The following CCDC144A variants were observed in gnomAD, a reference collection of about 807,000 sequenced individuals.
CCDC144A encodes the protein coiled-coil domain containing 144A.
CCDC144A carries 41 observed loss-of-function variants against 143.8 expected under a neutral mutation model. The observed-to-expected ratio is 0.29, with a 90% CI of 0.22 to 0.37. The LOEUF is 0.37. CCDC144A is among the 10% of genes least tolerant of loss of function. The pLI is 1.00. For missense variants in CCDC144A, 637 were observed against 1,488.8 expected (o/e 0.43, Z 9.41); for synonymous variants, 242 against 517.9 (o/e 0.47, Z 7.23).
At chr17:16,751,293 C>A (rs560709452) in intron 12 of CCDC144A, among the ~76,000 whole-genome samples, 1 of 151,702 alleles carries the variant, frequency 6.6e-6, no homozygotes, top group African/African-American at 2.4e-5. Context: ...TTCAGATGGC[C>A]AGGACTCTAC....
At chr17:16,708,277 C>T (rs1912171700) in intron 4 of CCDC144A, among the ~76,000 whole-genome samples, 1 of 152,036 alleles carries the variant, frequency 6.6e-6, no homozygotes, top group African/African-American at 2.4e-5. Context: ...TAAGAATTTG[C>T]TTTTCTTTCT....
At chr17:16,733,426 C>T (rs563998809) in intron 11 of CCDC144A, among the ~76,000 whole-genome samples, 4 of 149,584 alleles carry the variant, frequency 2.7e-5, no homozygotes, top group Non-Finnish European at 5.9e-5. Context: ...TGGCGTGAAC[C>T]CTGGGTGGCG....
At chr17:16,745,714 C>T (rs1387455772) in intron 12 of CCDC144A, 7 of 1,614,084 alleles carry the variant, frequency 4.3e-6, no homozygotes, top group Non-Finnish European at 5.9e-6. Context: ...CACTCTCGCG[C>T]TCGGAAGTGA....
upstream of CCDC144A, among the ~76,000 whole-genome samples, chr17:16,689,334 T>C (rs1910908758): frequency 6.6e-6 from 1 of 152,186 alleles, no homozygotes; most frequent in African/African-American, 2.4e-5. Flanking sequence ...TAGCTGGGAC[T>C]ACAGGCACGC....
intron 12 of CCDC144A, among the ~76,000 whole-genome samples, chr17:16,742,468 A>G (rs1914301249): frequency 6.6e-6 from 1 of 152,140 alleles, no homozygotes; most frequent in Admixed American, 6.5e-5. Flanking sequence ...TGATCTGTTG[A>G]TGAACATTTA....
chr17:16,719,551 A>C (rs1310605631), intron 6 of CCDC144A, among the ~76,000 whole-genome samples: 1 of 152,184 alleles, frequency 6.6e-6, no homozygotes, highest in Admixed American at 6.5e-5. Context: ...CTTAGGTTTG[A>C]GTTCTGGGTC....
At chr17:16,745,943 G>A in intron 12 of CCDC144A, 2 of 1,604,880 alleles carry the variant, frequency 1.2e-6, no homozygotes, top group Admixed American at 1.7e-5. Context: ...GGTCAGGCTC[G>A]TGGTGAGCTC....
rs181479059 is a variant in CCDC144A, at chr17:16,749,583, T to G, written c.3373-11842T>G. The stretch of plus-strand genomic sequence containing the variant: ...ATTCTGTAGTTGTTTGGTGGAGTAT[T>G]CTGTAGATGTCTGTTAGGTCCAATT... On this transcript the variant is annotated intron_variant, in intron 12 of 16. Coordinates refer to ENST00000399273, the MANE Select transcript of CCDC144A (RefSeq NM_001382000.1). 2.2e-3 allele frequency among the ~76,000 whole-genome samples: 330 copies of G among 152,350 alleles called. 3 individuals are homozygous for G. The highest frequency in any genetic ancestry group is 7.5e-3 in the African/African-American group (311 of 41,574).
At position 16,761,622 on chromosome 17, in the gene CCDC144A, A is replaced by G. The variant is rs367684538; in HGVS notation, c.3570A>G (p.Leu1190=). The G allele has an allele frequency of 8.1e-6, 13 of 1,613,778 alleles. No individual in the cohort carries two copies. The African/African-American group carries it at 1.6e-4, about 20-fold the overall frequency. ...NLKSYMERNM[L]ERGKAEWHKL... ...AAAGTTATATGGAAAGAAATATGTTAGAACGTGGTAAAGCTGAATGGCATA... is the reference window on the plus strand; with the variant it reads ...AAAGTTATATGGAAAGAAATATGTTGGAACGTGGTAAAGCTGAATGGCATA... Residue 1190 remains leucine, a synonymous_variant, in exon 13 of 17, where the codon TTA becomes TTG. Coordinates refer to ENST00000399273, the MANE Select transcript of CCDC144A (RefSeq NM_001382000.1).
chr17:16,703,445 TTTTA>T (rs1408961625), intron 2 of CCDC144A, among the ~76,000 whole-genome samples: 6 of 152,142 alleles, frequency 3.9e-5, no homozygotes, highest in Non-Finnish European at 5.9e-5. Flanking sequence ...TCCAAAGAGC[TTTTA>T]TTTAAGTCAG....
In CCDC144A at chr17:16,777,290, A is replaced by G. The variant is rs1201947982; in HGVS notation, c.*3657A>G. 3 of 150,534 alleles carry G rather than the reference A, an allele frequency of 2.0e-5. No homozygotes were observed. The highest frequency in any genetic ancestry group is 1.3e-4 in the Admixed American group (2 of 15,100). 9.3% of individuals were successfully genotyped at this position (150,534 alleles called of 1,614,324 possible). The stretch of plus-strand genomic sequence containing the variant: ...GGGATGTTAATACTCCGCTGGCAGC[A>G]CTAGGCAGATCACCAAGACAGAAAG... On this transcript the variant is annotated 3_prime_UTR_variant, in exon 17 of 17. Transcript: ENST00000399273.
chr17:16,716,406 C>G (rs1912757757), intron 6 of CCDC144A, among the ~76,000 whole-genome samples: 2 of 151,632 alleles, frequency 1.3e-5, no homozygotes, highest in Admixed American at 6.6e-5. Context: ...ACTTTCTCTT[C>G]CATGCAATGA....
chr17:16,723,732 G>T (rs1161090743), intron 8 of CCDC144A, among the ~76,000 whole-genome samples: 3 of 152,100 alleles, frequency 2.0e-5, no homozygotes, highest in Non-Finnish European at 1.5e-5. Flanking sequence ...TGAGGGCTTG[G>T]CTCCCATGAG....
chr17:16,708,100 C>T (rs1001803231), intron 4 of CCDC144A, among the ~76,000 whole-genome samples: 1 of 152,008 alleles, frequency 6.6e-6, no homozygotes, highest in Non-Finnish European at 1.5e-5. Flanking sequence ...TGTTAGGGTA[C>T]AAACAATAAC....
At chr17:16,756,602 T>A (rs1334869919) in intron 12 of CCDC144A, among the ~76,000 whole-genome samples, 1 of 148,716 alleles carries the variant, frequency 6.7e-6, no homozygotes, top group Non-Finnish European at 1.5e-5. Flanking sequence ...TATGTTTCCT[T>A]AAGATCATTA....
intron 12 of CCDC144A, among the ~76,000 whole-genome samples, chr17:16,740,639 C>T (rs1487652660): frequency 2.0e-5 from 3 of 152,192 alleles, no homozygotes; most frequent in Admixed American, 6.5e-5. Flanking sequence ...TAGCTTAACA[C>T]TCAAAGGACA....
chr17:16,760,066 G>C (rs961490466), intron 12 of CCDC144A, among the ~76,000 whole-genome samples: 5 of 152,240 alleles, frequency 3.3e-5, no homozygotes, highest in Admixed American at 6.5e-5. Flanking sequence ...GAGGGTTCAT[G>C]GTATGGTTTG....
chr17:16,713,872 G>A (rs2621596), intron 6 of CCDC144A, among the ~76,000 whole-genome samples: 27,782 of 152,054 alleles, frequency 0.18, 4,188 homozygotes, highest in African/African-American at 0.4. Flanking sequence ...CCTTGAAAGA[G>A]TGGTATATAC....
rs1251299905 is a variant in CCDC144A at position 16,690,243 on chromosome 17, G to T, written c.-158G>T. ...CGGATTGGCTTGGCCTTACCCACGAGGCTTTGCGGTGGCTGTTGGCTTGGC... is the reference window on the plus strand; with the variant it reads ...CGGATTGGCTTGGCCTTACCCACGATGCTTTGCGGTGGCTGTTGGCTTGGC... On this transcript the variant is annotated 5_prime_UTR_variant, in exon 1 of 17. It adds an upstream start codon to the 5' untranslated region. Transcript: ENST00000399273. 9 of 524,174 alleles carry T rather than the reference G, an allele frequency of 1.7e-5. No homozygotes were observed. The highest frequency in any genetic ancestry group is 2.4e-5 in the Non-Finnish European group (7 of 295,548). 32.5% of individuals were successfully genotyped at this position (524,174 alleles called of 1,614,324 possible).
Sources: gnomAD v4.1 joint callset for allele counts (sites outside exome capture counted in the v4.1 genomes callset) on GRCh38, gnomAD v4.1.1 for gene constraint, MANE v1.5 for transcripts, NCBI Gene and HGNC (gene_info 2026-07-23, HGNC 2026-07-21) for gene names.